ITGAL: variants seen among roughly 807,000 people sequenced by gnomAD.
ITGAL encodes the protein integrin subunit alpha L, also known as integrin alpha-L.
In ITGAL, 68 loss-of-function variants were observed where a neutral mutation model predicts 138.4. The observed-to-expected ratio is 0.49, with a 90% CI of 0.40 to 0.60. ITGAL has a LOEUF of 0.60. Ranked by LOEUF, ITGAL falls within the 20% of genes least tolerant of loss-of-function variation. ITGAL has a pLI of 0.00. For synonymous variants in ITGAL, 561 were observed against 584.3 expected, an observed-to-expected ratio of 0.96 and a Z score of 0.57; for missense variants, 1,256 against 1,478.6, an observed-to-expected ratio of 0.85 and a Z score of 2.47.
At position 30,496,110 on chromosome 16, in the gene ITGAL, A is replaced by AGCAACT; in HGVS notation, c.1517_1518insGCAACT (p.Glu506_Val507insGlnLeu). The AGCAACT allele has an allele frequency of 6.2e-7, 1 of 1,613,816 alleles. No individual in the cohort carries two copies. The highest frequency in any genetic ancestry group is 1.3e-5 in the African/African-American group (1 of 75,016). Reference sequence around the variant, plus strand: ...GCTACTTCCTAGTTGGGGTTTGAAGAAGTCTCAGAGCTGCAGGGGGACCCC... The same window carrying AGCAACT: ...GCTACTTCCTAGTTGGGGTTTGAAGAGCAACTAGTCTCAGAGCTGCAGGGGGACCCC... On this transcript the variant is annotated inframe_insertion, in exon 14 of 31. Coordinates refer to ENST00000356798, the MANE Select transcript of ITGAL (RefSeq NM_002209.3).
Position 30,494,127 on chromosome 16 carries a change from T to C in ITGAL, c.1214-85T>C. On this transcript the variant is annotated intron_variant, in intron 11 of 30. Transcript: ENST00000356798. This position sits in a 1 kb window ranked among gnomAD's most constrained non-coding sequence, Gnocchi z 4.2. The stretch of plus-strand genomic sequence containing the variant: ...CCATGCATCTCTGCTACTAACCCAA[T>C]TCCCTGGGGCCCCTGCCCCTCTCCT... The C allele has an allele frequency of 6.2e-6, 8 of 1,286,420 alleles. No individual in the cohort carries two copies. The highest frequency in any genetic ancestry group is 8.6e-6 in the Non-Finnish European group (8 of 931,204). 79.7% of individuals were successfully genotyped at this position (1,286,420 alleles called of 1,614,324 possible).
chr16:30,484,166 A>G lies in ITGAL; in HGVS notation c.909A>G (p.Ala303=), dbSNP rs150139237. The G allele has an allele frequency of 1.8e-4, 285 of 1,614,170 alleles. 1 individual carries two copies. The highest frequency in any genetic ancestry group is 4.8e-4 in the Admixed American group (29 of 60,002). The change falls in exon 9 of 31, where the codon GCA becomes GCG. Residue 303 remains alanine (A), a synonymous_variant. Coordinates refer to ENST00000356798, the MANE Select transcript of ITGAL (RefSeq NM_002209.3). ...KESQETLHKF[A]SKPASEFVKI... ...GTCAGGAGACCCTCCACAAATTTGC[A>G]TCAAAACCCGCGAGCGAGTTTGTGA...
In ITGAL at chr16:30,511,047, C is replaced by A; in HGVS notation, c.2700-3C>A. On this transcript the variant is annotated splice_polypyrimidine_tract_variant and splice_region_variant and intron_variant, in intron 23 of 30. Coordinates refer to ENST00000356798, the MANE Select transcript of ITGAL (RefSeq NM_002209.3). ...CACTGGCCTCTTCCTTGCCCCAATG[C>A]AGTAACAATGAGGACTCAGACCTCC... 6.2e-7 allele frequency: 1 copy of A among 1,613,510 alleles called. No individual in the cohort carries two copies. Among genetic ancestry groups the A allele is most frequent in the East Asian group, 2.2e-5 (1 of 44,884 alleles).
At chr16:30,516,232 A>ATT (rs201896943) in intron 25 of ITGAL, among the ~76,000 whole-genome samples, 4 of 144,010 alleles carry the variant, frequency 2.8e-5, no homozygotes, top group East Asian at 2.0e-4. Context: ...GTGCTCAGAA[A>ATT]TTTTTTTTTT....
chr16:30,519,485 A>T (rs574649572), intron 29 of ITGAL, among the ~76,000 whole-genome samples: 39 of 152,320 alleles, frequency 2.6e-4, no homozygotes, highest in Non-Finnish European at 2.4e-4. Context: ...TGGCAAGGCC[A>T]GGGGCCTCTG....
At position 30,483,872 on chromosome 16, in the gene ITGAL, CA is replaced by C; in HGVS notation, c.771del (p.Val258CysfsTer54). The part of the protein sequence containing the change: ...EELGARPDAT[K>X]VLIIITDGEA... ...AGCTGGGGGCCCGGCCAGATGCCAC[CA>C]AAGTGCTTATCATCATCACGGATGG... On this transcript the variant is annotated frameshift_variant, in exon 8 of 31. Coordinates refer to ENST00000356798, the MANE Select transcript of ITGAL (RefSeq NM_002209.3). LOFTEE classifies it high-confidence loss of function. 1 of 1,614,042 alleles carries C rather than the reference CA, an allele frequency of 6.2e-7. No individual in the cohort carries two copies. Among genetic ancestry groups the C allele is most frequent in the East Asian group, 2.2e-5 (1 of 44,876 alleles).
chr16:30,516,846 T>C (rs1188706877), intron 25 of ITGAL, 127 bp from the exon 26 acceptor site: 5 of 742,124 alleles, frequency 6.7e-6, no homozygotes, highest in Non-Finnish European at 9.9e-6. Flanking sequence ...GGACACTGCC[T>C]AACCGACAAG....
At position 30,472,847 on chromosome 16, in the gene ITGAL, T is replaced by A; in HGVS notation, c.10T>A (p.Ser4Thr). 6.2e-7 allele frequency: 1 copy of A among 1,612,896 alleles called. No homozygotes were observed. Among genetic ancestry groups the A allele is most frequent in the Non-Finnish European group, 8.5e-7 (1 of 1,179,820 alleles). MKD[S>T]CITVMAMALL... ...CTCGAGTGCTGGAAGGATGAAGGAT[T>A]CCTGCATCACTGTGATGGCCATGGC... The change falls in exon 1 of 31, where the codon TCC (serine) becomes ACC (threonine). Residue 4 changes from serine (S) to threonine (T), a missense_variant. Coordinates refer to ENST00000356798, the MANE Select transcript of ITGAL (RefSeq NM_002209.3).
At chr16:30,518,743 C>G (rs762114931) in intron 29 of ITGAL, 24 bp downstream of exon 29, 3 of 1,564,518 alleles carry the variant, frequency 1.9e-6, no homozygotes, top group Admixed American at 1.7e-5. Context: ...CTTGGAAGCC[C>G]CAGGAACAGG....
chr16:30,499,486 C>T lies in ITGAL; in HGVS notation c.2142C>T (p.Phe714=). 6.2e-7 allele frequency: 1 copy of T among 1,613,426 alleles called. No homozygotes were observed. Reference sequence around the variant, plus strand: ...CATGCACTGACTTCTCATTTCATTTCCCGGTAAGGGAGCCAGCGCCAATGC... The same window carrying T: ...CATGCACTGACTTCTCATTTCATTTTCCGGTAAGGGAGCCAGCGCCAATGC... ...SMSCTDFSFH[F]PVCVQDLISP... is the part of the protein sequence containing the mutation. The change falls in exon 17 of 31, where the codon TTC becomes TTT. Residue 714 remains phenylalanine (F), a synonymous_variant. Transcript: ENST00000356798.
chr16:30,499,194 A>G lies in ITGAL; in HGVS notation c.1953A>G (p.Thr651=), dbSNP rs1026052808. 2.5e-6 allele frequency: 4 copies of G among 1,614,062 alleles called. No homozygotes were observed. The highest frequency in any genetic ancestry group is 3.4e-6 in the Non-Finnish European group (4 of 1,180,044). ...SNKMKEGVNI[T]ICFQIKSLIP... is the part of the protein sequence containing the mutation. The stretch of plus-strand genomic sequence containing the variant: ...AGATGAAAGAAGGAGTTAATATCAC[A>G]ATCTGTTTCCAGATCAAGTCTCTCA... The change falls in exon 16 of 31, where the codon ACA becomes ACG. Residue 651 remains threonine (T), a synonymous_variant. Coordinates refer to ENST00000356798, the MANE Select transcript of ITGAL (RefSeq NM_002209.3).
intron 2 of ITGAL, among the ~76,000 whole-genome samples, chr16:30,475,007 C>CA (rs1264675975): frequency 6.6e-6 from 1 of 151,848 alleles, no homozygotes; most frequent in Non-Finnish European, 1.5e-5. Flanking sequence ...TACAGGCATG[C>CA]ACCACCATGC....
Position 30,489,406 on chromosome 16 carries a change from G to A in ITGAL, c.1213+20G>A. The A allele has an allele frequency of 6.2e-7, 1 of 1,611,864 alleles. No individual in the cohort carries two copies. Among genetic ancestry groups the A allele is most frequent in the Non-Finnish European group, 8.5e-7 (1 of 1,178,142 alleles). On this transcript the variant is annotated intron_variant, in intron 11 of 30. Coordinates refer to ENST00000356798, the MANE Select transcript of ITGAL (RefSeq NM_002209.3). The stretch of plus-strand genomic sequence containing the variant: ...ATTTGGGTGAGTACTTCTCTTTTCT[G>A]CTGGGATCTTCTGGTTGTTGAGGTC...
chr16:30,486,515 T>G (rs2050648953), intron 9 of ITGAL, among the ~76,000 whole-genome samples: 1 of 152,002 alleles, frequency 6.6e-6, no homozygotes, highest in Non-Finnish European at 1.5e-5. Context: ...AAAAAAAGTT[T>G]TTAAAAAAAA....
At position 30,474,313 on chromosome 16, in the gene ITGAL, A is replaced by G; in HGVS notation, c.164+15A>G. The G allele has an allele frequency of 6.4e-7, 1 of 1,572,940 alleles. No homozygotes were observed. On this transcript the variant is annotated intron_variant, in intron 2 of 30. Coordinates refer to ENST00000356798, the MANE Select transcript of ITGAL (RefSeq NM_002209.3). ...GTCGGAAACGGGTGAGCTGTGCCCC[A>G]CAAGTCCTCCTCCTGATGCCCGCCC...
At chr16:30,479,027 T>C in intron 4 of ITGAL, 64 bp from the exon 5 acceptor site, 1 of 1,244,108 alleles carries the variant, frequency 8.0e-7, no homozygotes, top group Admixed American at 1.8e-5. Context: ...TAGTTTTGGT[T>C]GATGTTGCCC....
intron 17 of ITGAL, among the ~76,000 whole-genome samples, chr16:30,502,396 C>CA (rs57501055): frequency 0.022 from 1,728 of 79,060 alleles, 29 homozygotes; most frequent in African/African-American, 0.026. Context: ...GACTCCATCT[C>CA]AAAAAAAAAA....
chr16:30,485,686 T>C (rs1478608191), intron 9 of ITGAL, among the ~76,000 whole-genome samples: 1 of 151,628 alleles, frequency 6.6e-6, no homozygotes, highest in African/African-American at 2.4e-5. Flanking sequence ...TAATTTTTTT[T>C]TTTTTTTTTG....
chr16:30,494,994 G>T lies in ITGAL; in HGVS notation c.1503+144G>T. Reference sequence around the variant, plus strand: ...GAGAGGCAATAGCAAATCCTCACTGGGGAAAGACTGTATGCAGGGTCCAGT... The same window carrying T: ...GAGAGGCAATAGCAAATCCTCACTGTGGAAAGACTGTATGCAGGGTCCAGT... On this transcript the variant is annotated intron_variant, in intron 13 of 30. Coordinates refer to ENST00000356798, the MANE Select transcript of ITGAL (RefSeq NM_002209.3). This position sits in a 1 kb window ranked among gnomAD's most constrained non-coding sequence, Gnocchi z 4.2. 2.5e-6 allele frequency: 2 copies of T among 815,084 alleles called. No homozygotes were observed. Among genetic ancestry groups the T allele is most frequent in the Non-Finnish European group, 3.8e-6 (2 of 531,242 alleles). 50.5% of individuals were successfully genotyped at this position (815,084 alleles called of 1,614,324 possible).
Sources: gnomAD v4.1 joint callset for allele counts (sites outside exome capture counted in the v4.1 genomes callset) on GRCh38, gnomAD v4.1.1 for gene constraint, Gnocchi (gnomAD v3.1) non-coding constraint, MANE v1.5 for transcripts, NCBI Gene and HGNC (gene_info 2026-07-23, HGNC 2026-07-21) for gene names.